The following PEX5L variants were observed in gnomAD, a reference collection of about 807,000 sequenced individuals.
The protein encoded by PEX5L is PEX5-related protein.
In PEX5L, 30 loss-of-function variants were observed where a neutral mutation model predicts 84.0. That is an observed-to-expected ratio of 0.36 (90% confidence interval 0.27 to 0.48). PEX5L has a LOEUF of 0.48. Among genes scored for constraint, PEX5L ranks in the 20% least tolerant of loss-of-function variants. PEX5L has a pLI of 0.99. For synonymous variants in PEX5L, 270 were observed against 283.1 expected, an observed-to-expected ratio of 0.95 and a Z score of 0.46; for missense variants, 533 against 754.6, an observed-to-expected ratio of 0.71 and a Z score of 3.44.
chr3:180,027,049 C>T (rs12054131), intron 1 of PEX5L, among the ~76,000 whole-genome samples: 23,071 of 152,080 alleles, frequency 0.15, 2,239 homozygotes, highest in African/African-American at 0.27. Flanking sequence ...AGACAAGTAG[C>T]CATGGTAGAG....
intron 4 of PEX5L, chr3:179,881,407 G>T (rs1297157880): frequency 1.3e-5 from 2 of 152,160 alleles, no homozygotes; most frequent in Non-Finnish European, 2.9e-5. Context: ...GATGTTGTTG[G>T]TGAAGTGGAA....
chr3:180,014,878 G>C (rs568815641), intron 1 of PEX5L, among the ~76,000 whole-genome samples: 1 of 152,228 alleles, frequency 6.6e-6, no homozygotes, highest in South Asian at 2.1e-4. Context: ...TTCACCAAAG[G>C]CTTTTATTTC....
intron 6 of PEX5L, 113 bp downstream of exon 6, chr3:179,875,241 T>C (rs1751944341): frequency 1.1e-6 from 1 of 909,954 alleles, no homozygotes; most frequent in Non-Finnish European, 1.7e-6. Flanking sequence ...TATTGTTATA[T>C]AGGGGTTACA....
intron 4 of PEX5L, among the ~76,000 whole-genome samples, chr3:179,885,536 C>T (rs1755569057): frequency 6.6e-6 from 1 of 151,802 alleles, no homozygotes; most frequent in African/African-American, 2.4e-5. Flanking sequence ...GTCCCAGCTA[C>T]TTGGGAGGCT....
intron 1 of PEX5L, among the ~76,000 whole-genome samples, chr3:180,008,456 T>C (rs1789123899): frequency 6.6e-6 from 1 of 152,226 alleles, no homozygotes; most frequent in Non-Finnish European, 1.5e-5. Flanking sequence ...TTCCAACCTC[T>C]GCCTGCTTCC....
At chr3:179,928,068 T>C (rs1560754751) in intron 2 of PEX5L, among the ~76,000 whole-genome samples, 1 of 152,236 alleles carries the variant, frequency 6.6e-6, no homozygotes, top group Non-Finnish European at 1.5e-5. Flanking sequence ...TCCCCACTTT[T>C]ATTTATGTTA....
chr3:179,961,447 G>A (rs1782014257), intron 2 of PEX5L, among the ~76,000 whole-genome samples: 1 of 152,074 alleles, frequency 6.6e-6, no homozygotes, highest in Non-Finnish European at 1.5e-5. Context: ...CGTTCCAGAG[G>A]CAGGGATCAG....
chr3:180,030,187 CAT>C (rs1201863548), intron 1 of PEX5L, among the ~76,000 whole-genome samples: 3 of 152,172 alleles, frequency 2.0e-5, no homozygotes, highest in African/African-American at 7.2e-5. Flanking sequence ...CACAAACTCA[CAT>C]ATACCTAGTG....
At chr3:180,031,944 G>C (rs1791503883) in intron 1 of PEX5L, among the ~76,000 whole-genome samples, 1 of 152,054 alleles carries the variant, frequency 6.6e-6, no homozygotes, top group African/African-American at 2.4e-5. Flanking sequence ...CATGTTTTTA[G>C]GAGGAATATT....
intron 8 of PEX5L, among the ~76,000 whole-genome samples, chr3:179,831,997 G>C (rs983375977): frequency 6.6e-6 from 1 of 152,166 alleles, no homozygotes; most frequent in Admixed American, 6.5e-5. Context: ...CGGTGTTTTA[G>C]AAAGATTACT....
At chr3:180,023,555 C>T (rs1207547840) in intron 1 of PEX5L, among the ~76,000 whole-genome samples, 1 of 152,038 alleles carries the variant, frequency 6.6e-6, no homozygotes, top group Non-Finnish European at 1.5e-5. Context: ...GGGGAATCGG[C>T]CCTGACCAAG....
At chr3:179,846,843 C>G (rs1739543075) in intron 8 of PEX5L, among the ~76,000 whole-genome samples, 1 of 152,112 alleles carries the variant, frequency 6.6e-6, no homozygotes, top group Non-Finnish European at 1.5e-5. Flanking sequence ...ACCAAAGGTT[C>G]TTCTGGTACT....
intron 3 of PEX5L, among the ~76,000 whole-genome samples, chr3:179,892,857 C>T (rs1277450664): frequency 6.6e-6 from 1 of 152,060 alleles, no homozygotes; most frequent in African/African-American, 2.4e-5. Context: ...CCATACCATT[C>T]GACACTTGAA....
intron 4 of PEX5L, among the ~76,000 whole-genome samples, chr3:179,887,299 C>G (rs1273978795): frequency 6.6e-6 from 1 of 152,094 alleles, no homozygotes; most frequent in Non-Finnish European, 1.5e-5. Flanking sequence ...TACTGGACTT[C>G]CGTTATACAA....
At chr3:179,820,876 G>T (rs1728258199) in intron 8 of PEX5L, among the ~76,000 whole-genome samples, 1 of 152,212 alleles carries the variant, frequency 6.6e-6, no homozygotes, top group Non-Finnish European at 1.5e-5. Flanking sequence ...TTTTCCAGGG[G>T]TAGGGAAAGA....
chr3:179,811,134 G>GCTAT (rs1723621288), intron 11 of PEX5L, among the ~76,000 whole-genome samples: 1 of 151,972 alleles, frequency 6.6e-6, no homozygotes, highest in African/African-American at 2.4e-5. Context: ...CTTACAATCT[G>GCTAT]ATATTCCAAA....
At chr3:179,838,511 A>C (rs1453140313) in intron 8 of PEX5L, among the ~76,000 whole-genome samples, 1 of 152,224 alleles carries the variant, frequency 6.6e-6, no homozygotes, top group Non-Finnish European at 1.5e-5. Flanking sequence ...GAGTTTGACT[A>C]GGAATTAAAA....
At chr3:179,809,315 T>A (rs1722789264) in intron 12 of PEX5L, among the ~76,000 whole-genome samples, 156 bp downstream of exon 12, 1 of 152,150 alleles carries the variant, frequency 6.6e-6, no homozygotes, top group Non-Finnish European at 1.5e-5. Context: ...TAAGCATTAA[T>A]CTTTCTAACG....
intron 2 of PEX5L, among the ~76,000 whole-genome samples, chr3:179,916,970 T>TA (rs1169682504): frequency 8.0e-5 from 12 of 150,596 alleles, no homozygotes; most frequent in African/African-American, 2.4e-5. Flanking sequence ...ATGCCCGACC[T>TA]AAAAAATCCC....
Sources: gnomAD v4.1 joint callset for allele counts (sites outside exome capture counted in the v4.1 genomes callset) on GRCh38, gnomAD v4.1.1 for gene constraint, MANE v1.5 for transcripts, NCBI Gene and HGNC (gene_info 2026-07-23, HGNC 2026-07-21) for gene names.